Variants in PXDN observed in about 807,000 individuals in gnomAD.
PXDN encodes peroxidasin, also known as peroxidasin homolog.
Under a neutral mutation model 140.3 loss-of-function variants are expected in PXDN, and 77 were observed. The ratio of observed to expected loss-of-function variants is 0.55; its 90% CI spans 0.46 to 0.66. The LOEUF (loss-of-function observed/expected upper bound fraction) is 0.66, where lower values mean the gene tolerates loss of function less well. Ranked by LOEUF, PXDN falls within the 30% of genes least tolerant of loss-of-function variation. The pLI, the probability that PXDN is intolerant of heterozygous loss-of-function variation, is 0.00. For synonymous variants in PXDN, 911 were observed against 857.4 expected (o/e 1.06, Z -1.09); for missense variants, 1,838 against 2,039.5 (o/e 0.90, Z 1.90).
chr2:1,668,805 G>T (rs1384176743), intron 9 of PXDN, among the ~76,000 whole-genome samples: 1 of 152,214 alleles, frequency 6.6e-6, no homozygotes, highest in Non-Finnish European at 1.5e-5. Context: ...AACAACAGAT[G>T]CTGGCGAGGA....
chr2:1,679,154 G>T (rs1183238077), intron 7 of PXDN, among the ~76,000 whole-genome samples: 1 of 150,792 alleles, frequency 6.6e-6, no homozygotes, highest in Non-Finnish European at 1.5e-5. Flanking sequence ...GTGTGTGCAT[G>T]TGTGTGTGGT....
intron 22 of PXDN, 25 bp from the exon 23 acceptor site, chr2:1,634,348 C>A: frequency 6.4e-7 from 1 of 1,553,944 alleles, no homozygotes; most frequent in Admixed American, 1.9e-5. Context: ...CGGAGCACAG[C>A]CTGTCAGCTC....
In PXDN at chr2:1,633,533, T is replaced by C. The variant is rs1487724130; in HGVS notation, c.*671A>G. The C allele has an allele frequency of 1.3e-5, 2 of 151,748 alleles. No individual in the cohort carries two copies. The highest frequency in any genetic ancestry group is 2.4e-5 in the African/African-American group (1 of 41,244). 9.4% of individuals were successfully genotyped at this position (151,748 alleles called of 1,614,324 possible). The stretch of plus-strand genomic sequence containing the variant: ...CTGCTTCGAGCAGCGGGAATGTTTG[T>C]CTTGGGATTAGATGCTGACGTGTGG... On this transcript the variant is annotated 3_prime_UTR_variant, in exon 23 of 23. Coordinates refer to ENST00000252804, the MANE Select transcript of PXDN (RefSeq NM_012293.3).
chr2:1,658,031 T>G (rs1397439620), intron 14 of PXDN, among the ~76,000 whole-genome samples: 67 of 2,638 alleles, frequency 0.025, no homozygotes, highest in Non-Finnish European at 0.078. Flanking sequence ...CTGTGGGCTC[T>G]CTCTCTCTCT....
chr2:1,656,226 TCC>T (rs1181870126), intron 14 of PXDN, among the ~76,000 whole-genome samples: 1 of 152,128 alleles, frequency 6.6e-6, no homozygotes, highest in East Asian at 1.9e-4. Flanking sequence ...TCTTTCTAGT[TCC>T]CTCTTGTCAT....
intron 12 of PXDN, among the ~76,000 whole-genome samples, chr2:1,663,350 A>G (rs942435480): frequency 1.3e-5 from 2 of 152,180 alleles, no homozygotes; most frequent in Non-Finnish European, 2.9e-5. Context: ...TACTTTAACA[A>G]GTCACTCTTA....
rs1558490746 is a variant in PXDN, at chr2:1,651,460, GCT to G, written c.2105-1787_2105-1786del. ...GCTTGAAAATGCATCAAACCATGTT[GCT>G]TCTCTGCAGGAAACCCTAAGGTTCC... On this transcript the variant is annotated intron_variant, in intron 16 of 22. Transcript: ENST00000252804. The surrounding 1 kb of genome is among the most constrained non-coding windows in gnomAD (Gnocchi z 4.4). Among the ~76,000 whole-genome samples, 1 of 152,196 alleles carries G rather than the reference GCT, an allele frequency of 6.6e-6. No homozygotes were observed. The highest frequency in any genetic ancestry group is 1.5e-5 in the Non-Finnish European group (1 of 68,038).
At chr2:1,737,569 T>C (rs1414776947) in intron 1 of PXDN, among the ~76,000 whole-genome samples, 1 of 152,060 alleles carries the variant, frequency 6.6e-6, no homozygotes, top group Non-Finnish European at 1.5e-5. Flanking sequence ...AGATGGAGTC[T>C]TGCTCTGTCC....
chr2:1,707,119 A>G (rs1351595547), intron 1 of PXDN, among the ~76,000 whole-genome samples: 1 of 100,532 alleles, frequency 9.9e-6, no homozygotes, highest in East Asian at 5.5e-4. Context: ...GTGCTCACCA[A>G]TCAGCTCTAA....
intron 7 of PXDN, among the ~76,000 whole-genome samples, chr2:1,679,924 GGT>G (rs762992690): frequency 7.7e-4 from 99 of 129,390 alleles, no homozygotes; most frequent in South Asian, 2.7e-3. Flanking sequence ...GTGTGTGGAT[GGT>G]GTGTGTGTGT....
intron 8 of PXDN, 75 bp downstream of exon 8, chr2:1,676,852 A>C: frequency 7.4e-7 from 1 of 1,342,482 alleles, no homozygotes; most frequent in Non-Finnish European, 1.0e-6. Flanking sequence ...CTTGGTGGGG[A>C]GTGAGGTGTG....
intron 1 of PXDN, among the ~76,000 whole-genome samples, chr2:1,696,382 T>A (rs560865099): frequency 6.6e-6 from 1 of 151,710 alleles, no homozygotes; most frequent in African/African-American, 2.4e-5. Context: ...AGACTTCTAC[T>A]ATGAAGAGGG....
chr2:1,655,355 T>G (rs113058563), intron 14 of PXDN, among the ~76,000 whole-genome samples: 7,571 of 148,726 alleles, frequency 0.051, 570 homozygotes, highest in African/African-American at 0.17. Flanking sequence ...ACCACACATA[T>G]AGTACATTAT....
At chr2:1,643,651 C>G in intron 18 of PXDN, 75 bp from the exon 19 acceptor site, 1 of 1,514,332 alleles carries the variant, frequency 6.6e-7, no homozygotes, top group African/African-American at 1.4e-5. Context: ...GAGTTAAAAT[C>G]TCCCCTGCTT....
chr2:1,676,627 C>A (rs1683723041), intron 8 of PXDN: 1 of 444,316 alleles, frequency 2.3e-6, no homozygotes, highest in East Asian at 4.1e-5. Flanking sequence ...AGGGAGAGAA[C>A]AACCAGCATG....
In PXDN at chr2:1,633,162, G is replaced by C. The variant is rs890153285; in HGVS notation, c.*1042C>G. The C allele has an allele frequency of 2.5e-5, 3 of 121,298 alleles. No homozygotes were observed. The highest frequency in any genetic ancestry group is 1.1e-4 in the Admixed American group (1 of 9,200). The allele number at this position is 121,298 out of a possible 1,614,324, so 7.5% of individuals were successfully genotyped here. A position where few individuals can be genotyped will look rare whatever the true frequency, so the allele number is the denominator to read the frequency against. Reference sequence around the variant, plus strand: ...TTTAAAAATACAAATGAGGTATAGGGATTCTTTTTTTTTTTTTTTTTTAAC... The same window carrying C: ...TTTAAAAATACAAATGAGGTATAGGCATTCTTTTTTTTTTTTTTTTTTAAC... On this transcript the variant is annotated 3_prime_UTR_variant, in exon 23 of 23. Coordinates refer to ENST00000252804, the MANE Select transcript of PXDN (RefSeq NM_012293.3).
At position 1,689,756 on chromosome 2, in the gene PXDN, C is replaced by G. The variant is rs145577033; in HGVS notation, c.345-2053G>C. Among the ~76,000 whole-genome samples, 441 of 150,282 alleles carry G rather than the reference C, an allele frequency of 2.9e-3. 2 individuals carry two copies. Among genetic ancestry groups the G allele is most frequent in the African/African-American group, 0.01 (417 of 40,686 alleles). ...CCGAGATCACACCACCGCACTCTAGCCTGGGCAACAAGAGGGAAACTCCAC... is the reference window on the plus strand; with the variant it reads ...CCGAGATCACACCACCGCACTCTAGGCTGGGCAACAAGAGGGAAACTCCAC... On this transcript the variant is annotated intron_variant, in intron 3 of 22. Transcript: ENST00000252804.
At chr2:1,644,327 T>G (rs1401139391) in intron 18 of PXDN, among the ~76,000 whole-genome samples, 2 of 152,108 alleles carry the variant, frequency 1.3e-5, no homozygotes. Context: ...TTTAGCTGTA[T>G]GGACTGTCCA....
intron 1 of PXDN, among the ~76,000 whole-genome samples, chr2:1,706,007 A>G (rs34008669): frequency 0.58 from 87,201 of 151,320 alleles, 26,125 homozygotes; most frequent in African/African-American, 0.76. Context: ...GGACACCGTC[A>G]AGGCTACTGG....
Sources: allele counts gnomAD v4.1 joint callset (sites outside exome capture counted in the v4.1 genomes callset), GRCh38; gene constraint gnomAD v4.1.1; non-coding constraint Gnocchi (gnomAD v3.1); transcripts MANE v1.5; gene names NCBI Gene and HGNC (gene_info 2026-07-23, HGNC 2026-07-21).